CTNNA2: variants seen among roughly 807,000 people sequenced by gnomAD.
CTNNA2 encodes catenin alpha 2, also known as catenin alpha-2.
Under a neutral mutation model 101.0 loss-of-function variants are expected in CTNNA2, and 42 were observed. That is an observed-to-expected ratio of 0.42 (90% CI 0.32 to 0.54). The LOEUF is 0.54. CTNNA2 is among the 20% of genes least tolerant of loss of function. The pLI is 0.14. For synonymous variants in CTNNA2, 450 were observed against 456.4 expected (o/e 0.99, Z 0.18); for missense variants, 871 against 1,223.1 (o/e 0.71, Z 4.29).
intron 1 of CTNNA2, among the ~76,000 whole-genome samples, chr2:79,524,048 C>A (rs1672264825): frequency 6.6e-6 from 1 of 152,012 alleles, no homozygotes. Flanking sequence ...GTGATGGTTT[C>A]TTTCCCCAAA....
intron 3 of CTNNA2, among the ~76,000 whole-genome samples, chr2:79,339,356 C>A (rs6547230): frequency 0.46 from 69,924 of 151,784 alleles, 16,523 homozygotes; most frequent in East Asian, 0.64. Flanking sequence ...ATTAGGTGCC[C>A]TAGCAAGAAG....
intron 7 of CTNNA2, among the ~76,000 whole-genome samples, chr2:80,256,895 G>T (rs1672207862): frequency 6.6e-6 from 1 of 152,132 alleles, no homozygotes; most frequent in South Asian, 2.1e-4. Context: ...TCTCTTCTGG[G>T]CACTTAGTAG....
At chr2:79,357,457 A>G (rs1677532835) in intron 3 of CTNNA2, among the ~76,000 whole-genome samples, 1 of 152,214 alleles carries the variant, frequency 6.6e-6, no homozygotes, top group Non-Finnish European at 1.5e-5. Context: ...AATTATTGAA[A>G]ATTCAGTAAA....
intron 7 of CTNNA2, among the ~76,000 whole-genome samples, chr2:80,111,545 C>A (rs1285723692): frequency 2.0e-5 from 3 of 152,098 alleles, no homozygotes; most frequent in Non-Finnish European, 2.9e-5. Context: ...TAAAATATTT[C>A]TTTTCTTTTT....
rs13421317 is a variant in CTNNA2, at chr2:79,574,824, A to T, written c.-6+61617A>T. 2.4e-3 allele frequency among the ~76,000 whole-genome samples: 366 copies of T among 152,298 alleles called. 3 individuals carry two copies. Among genetic ancestry groups the T allele is most frequent in the African/African-American group, 8.3e-3 (343 of 41,562 alleles). ...TTCCAAAATGGCTAAGCTAATTTAC[A>T]TTCCCACCAGCTGTGTATAAGTGTT... On this transcript the variant is annotated intron_variant, in intron 1 of 18. Transcript: ENST00000402739.
intron 7 of CTNNA2, among the ~76,000 whole-genome samples, chr2:80,289,952 T>C (rs1675095776): frequency 6.6e-6 from 1 of 152,170 alleles, no homozygotes; most frequent in South Asian, 2.1e-4. Context: ...TTGAAGGATA[T>C]GGGCCTCAAA....
At chr2:79,893,333 T>C (rs1684438515) in intron 6 of CTNNA2, among the ~76,000 whole-genome samples, 1 of 152,170 alleles carries the variant, frequency 6.6e-6, no homozygotes, top group Admixed American at 6.5e-5. Flanking sequence ...CACTCACAAC[T>C]ACAAGTAGGT....
chr2:79,993,661 G>C (rs1035694185), intron 7 of CTNNA2, among the ~76,000 whole-genome samples: 25 of 152,150 alleles, frequency 1.6e-4, no homozygotes, highest in African/African-American at 5.8e-4. Context: ...AGTGAAGAGG[G>C]AGAAGAGATG....
At chr2:79,590,742 A>C (rs578067965) in intron 1 of CTNNA2, among the ~76,000 whole-genome samples, 2 of 152,292 alleles carry the variant, frequency 1.3e-5, no homozygotes, top group South Asian at 4.1e-4. Context: ...GAGCTGCAAT[A>C]AACATTGTTG....
intron 9 of CTNNA2, among the ~76,000 whole-genome samples, chr2:80,525,266 T>C (rs12990162): frequency 0.24 from 36,121 of 151,368 alleles, 4,426 homozygotes; most frequent in Middle Eastern, 0.34. Flanking sequence ...AGGACCCCTC[T>C]CCTGCCTGGT....
chr2:79,229,071 T>A (rs1026853261), intron 2 of CTNNA2, among the ~76,000 whole-genome samples: 4 of 152,230 alleles, frequency 2.6e-5, no homozygotes, highest in African/African-American at 9.6e-5. Flanking sequence ...TATGTAGTCA[T>A]GTGTTTATTT....
At chr2:79,278,400 G>A (rs11888732) in intron 2 of CTNNA2, among the ~76,000 whole-genome samples, 1 of 151,750 alleles carries the variant, frequency 6.6e-6, no homozygotes, top group African/African-American at 2.4e-5. Context: ...TTGGTAATAG[G>A]GAAAGGTATT....
chr2:80,068,849 C>T (rs1222332017), intron 7 of CTNNA2, among the ~76,000 whole-genome samples: 1 of 152,064 alleles, frequency 6.6e-6, no homozygotes, highest in East Asian at 1.9e-4. Context: ...TGACTAGTGG[C>T]AGATGGAATG....
chr2:80,505,084 C>T (rs543322453), intron 9 of CTNNA2, among the ~76,000 whole-genome samples: 1 of 151,858 alleles, frequency 6.6e-6, no homozygotes, highest in Non-Finnish European at 1.5e-5. Context: ...TAAGCCTTAG[C>T]CCCAAGCTAA....
chr2:79,472,354 A>G (rs997572752), intron 4 of CTNNA2, among the ~76,000 whole-genome samples: 1 of 152,194 alleles, frequency 6.6e-6, no homozygotes, highest in African/African-American at 2.4e-5. Context: ...TCTGTCTGCC[A>G]GGTGGCCTAC....
chr2:80,113,725 ATT>A (rs1701351196), intron 7 of CTNNA2, among the ~76,000 whole-genome samples: 1 of 152,188 alleles, frequency 6.6e-6, no homozygotes, highest in Non-Finnish European at 1.5e-5. Context: ...GCATTCAGTT[ATT>A]GTTTTCTCAT....
chr2:80,300,674 G>A (rs544488352), intron 7 of CTNNA2, among the ~76,000 whole-genome samples: 9 of 152,164 alleles, frequency 5.9e-5, no homozygotes, highest in East Asian at 3.9e-4. Context: ...TTTAGTGTCC[G>A]TTAGAGAGGG....
At chr2:79,390,929 TTAG>T (rs1392304595) in intron 4 of CTNNA2, among the ~76,000 whole-genome samples, 2 of 152,156 alleles carry the variant, frequency 1.3e-5, no homozygotes, top group Non-Finnish European at 2.9e-5. Flanking sequence ...GATTGATTAC[TTAG>T]TCAATGAAAA....
intron 9 of CTNNA2, among the ~76,000 whole-genome samples, chr2:80,428,514 C>A (rs1681195034): frequency 6.6e-6 from 1 of 152,066 alleles, no homozygotes; most frequent in African/African-American, 2.4e-5. Flanking sequence ...ATGTGTGAGA[C>A]AGAGAAGAGT....
Sources: allele counts gnomAD v4.1 joint callset (sites outside exome capture counted in the v4.1 genomes callset), GRCh38; gene constraint gnomAD v4.1.1; transcripts MANE v1.5; gene names NCBI Gene and HGNC (gene_info 2026-07-23, HGNC 2026-07-21).